The following EPB41L2 variants were observed in gnomAD, a reference collection of about 807,000 sequenced individuals.
The protein encoded by EPB41L2 is erythrocyte membrane protein band 4.1 like 2, also known as band 4.1-like protein 2.
Under a neutral mutation model 113.0 loss-of-function variants are expected in EPB41L2, and 43 were observed. That is an observed-to-expected ratio of 0.38 (90% CI 0.30 to 0.49). EPB41L2 has a LOEUF of 0.49. EPB41L2 is among the 20% of genes least tolerant of loss of function. The pLI, the probability that EPB41L2 is intolerant of heterozygous loss-of-function variation, is 0.95. For missense variants in EPB41L2, 1,147 were observed against 1,223.4 expected (o/e 0.94, Z 0.93); for synonymous variants, 442 against 436.7 (o/e 1.01, Z -0.15).
intron 1 of EPB41L2, among the ~76,000 whole-genome samples, chr6:130,995,956 T>C (rs73774351): frequency 0.026 from 3,995 of 152,306 alleles, 193 homozygotes; most frequent in African/African-American, 0.092. Flanking sequence ...CAGTTATGAA[T>C]AGATAAGGAA....
At chr6:130,913,166 T>C (rs73617130) in intron 4 of EPB41L2, among the ~76,000 whole-genome samples, 1,728 of 152,306 alleles carry the variant, frequency 0.011, 40 homozygotes, top group African/African-American at 0.04. Flanking sequence ...CTATAGGGCA[T>C]GGTAAGAGTC....
At chr6:130,981,848 G>T in intron 1 of EPB41L2, among the ~76,000 whole-genome samples, 1 of 151,890 alleles carries the variant, frequency 6.6e-6, no homozygotes, top group East Asian at 1.9e-4. Flanking sequence ...AGTATATGTG[G>T]TTTTCATTAT....
At chr6:130,878,903 CCA>C (rs1788408259) in intron 13 of EPB41L2, among the ~76,000 whole-genome samples, 1 of 152,178 alleles carries the variant, frequency 6.6e-6, no homozygotes, top group Admixed American at 6.5e-5. Context: ...AATAAATAAA[CCA>C]CAGACTGGTC....
chr6:130,892,782 C>T (rs537118804), intron 10 of EPB41L2, among the ~76,000 whole-genome samples: 14 of 152,120 alleles, frequency 9.2e-5, no homozygotes, highest in African/African-American at 3.1e-4. Context: ...TATGATATGC[C>T]AGAAATGGTT....
intron 1 of EPB41L2, among the ~76,000 whole-genome samples, chr6:131,020,052 T>C (rs1789093993): frequency 6.6e-6 from 1 of 152,124 alleles, no homozygotes; most frequent in Non-Finnish European, 1.5e-5. Context: ...AAAACATATG[T>C]TTCTATTTTG....
intron 19 of EPB41L2, among the ~76,000 whole-genome samples, chr6:130,847,114 G>T (rs776360059): frequency 6.6e-6 from 1 of 152,210 alleles, no homozygotes; most frequent in Non-Finnish European, 1.5e-5. Context: ...GCTGTGCTGA[G>T]AACTCTATAC....
chr6:130,895,096 C>T lies in EPB41L2; in HGVS notation c.1260G>A (p.Lys420=). The stretch of plus-strand genomic sequence containing the variant: ...GAAGTCCATTAGCACACACGCCCAG[C>T]TTGATGTCCACACCTTCTGAGTCCT... ...HAKDSEGVDI[K]LGVCANGLLI... Residue 420 remains lysine, a synonymous_variant, in exon 9 of 20, where the codon AAG becomes AAA. Transcript: ENST00000337057. 6.2e-7 allele frequency: 1 copy of T among 1,611,894 alleles called. No individual in the cohort carries two copies. Among genetic ancestry groups the T allele is most frequent in the African/African-American group, 1.3e-5 (1 of 74,964 alleles).
At chr6:130,894,472 A>G (rs376591267) in intron 9 of EPB41L2, 31 bp from the exon 10 acceptor site, 1 of 1,593,050 alleles carries the variant, frequency 6.3e-7, no homozygotes, top group African/African-American at 1.3e-5. Context: ...AAATCAGCAT[A>G]TTTCCTTAAG....
intron 1 of EPB41L2, among the ~76,000 whole-genome samples, chr6:131,028,859 C>T (rs1290138486): frequency 6.6e-6 from 1 of 152,142 alleles, no homozygotes; most frequent in Non-Finnish European, 1.5e-5. Context: ...ATTTCTCACT[C>T]TAAAATAATC....
At chr6:130,895,194 T>C in intron 8 of EPB41L2, 75 bp from the exon 9 acceptor site, 2 of 1,472,060 alleles carry the variant, frequency 1.4e-6, no homozygotes, top group Admixed American at 4.4e-5. Flanking sequence ...ATTAGCTCCC[T>C]CAAATCATGA....
At chr6:130,974,827 G>T (rs373932707) in intron 1 of EPB41L2, among the ~76,000 whole-genome samples, 1 of 138,018 alleles carries the variant, frequency 7.2e-6, no homozygotes, top group African/African-American at 2.7e-5. Context: ...CCAGGTTCAA[G>T]TGATTCTTCT....
At chr6:130,966,189 A>C (rs1775127929) in intron 1 of EPB41L2, among the ~76,000 whole-genome samples, 1 of 152,208 alleles carries the variant, frequency 6.6e-6, no homozygotes, top group Admixed American at 6.5e-5. Context: ...GTGCATATGT[A>C]AAATAATTAT....
chr6:130,972,618 T>G (rs1296851024), intron 1 of EPB41L2, among the ~76,000 whole-genome samples: 3 of 151,792 alleles, frequency 2.0e-5, no homozygotes, highest in Non-Finnish European at 4.4e-5. Flanking sequence ...AGTGCACTTG[T>G]GCATTTCTAC....
intron 1 of EPB41L2, among the ~76,000 whole-genome samples, chr6:131,043,673 T>C (rs775460643): frequency 1.3e-5 from 2 of 152,204 alleles, no homozygotes; most frequent in African/African-American, 2.4e-5. Flanking sequence ...ACTTGGATCC[T>C]GATTCAAATA....
Position 130,869,988 on chromosome 6 carries a change from G to A in EPB41L2, c.2182C>T (p.Pro728Ser). The change falls in exon 15 of 20, where the codon CCT (proline) becomes TCT (serine). Residue 728 changes from proline (P) to serine (S), a missense_variant. Pro to Ser is a moderately conservative substitution (Grantham distance 74, BLOSUM62 -1). Coordinates refer to ENST00000337057, the MANE Select transcript of EPB41L2 (RefSeq NM_001431.4). ...SGPGEIRKVE[P>S]VTQKDSTSLS... Reference sequence around the variant, plus strand: ...GAGGTGGAGTCTTTTTGTGTCACAGGCTCCACCTTACGAATCTCCCCAGGA... The same window carrying A: ...GAGGTGGAGTCTTTTTGTGTCACAGACTCCACCTTACGAATCTCCCCAGGA... 6.2e-7 allele frequency: 1 copy of A among 1,613,592 alleles called. No individual in the cohort carries two copies. Among genetic ancestry groups the A allele is most frequent in the Non-Finnish European group, 8.5e-7 (1 of 1,179,974 alleles).
Position 130,895,004 on chromosome 6 carries a change from T to C in EPB41L2, c.1352A>G (p.Lys451Arg). The change falls in exon 9 of 20, where the codon AAA becomes AGA. Residue 451 changes from lysine to arginine, a missense_variant. Physicochemically the swap from Lys to Arg is conservative, Grantham distance 26 (BLOSUM62 2). Coordinates refer to ENST00000337057, the MANE Select transcript of EPB41L2 (RefSeq NM_001431.4). ...AWPKILKISY[K>R]RSNFYIKVRP... ...GACTTTAATGTAGAAGTTACTGCGT[T>C]TATAGGAAATTTTTAAGATTTTCGG... 6.2e-7 allele frequency: 1 copy of C among 1,613,950 alleles called. No homozygotes were observed.
intron 18 of EPB41L2, 76 bp from the exon 19 acceptor site, chr6:130,858,319 C>T: frequency 1.7e-6 from 2 of 1,165,230 alleles, no homozygotes; most frequent in Admixed American, 2.0e-5. Flanking sequence ...CACACACACA[C>T]TGATCACCTC....
intron 1 of EPB41L2, among the ~76,000 whole-genome samples, chr6:131,028,393 AAT>A (rs1482190482): frequency 2.0e-5 from 3 of 152,220 alleles, no homozygotes; most frequent in African/African-American, 7.2e-5. Context: ...CTCTCCAAGG[AAT>A]AAAGCAATGA....
chr6:130,981,948 AT>A (rs1779469468), intron 1 of EPB41L2, among the ~76,000 whole-genome samples: 2 of 152,246 alleles, frequency 1.3e-5, no homozygotes, highest in East Asian at 3.9e-4. Flanking sequence ...CCAGCAGGAA[AT>A]TTGAATTTAT....
Sources: gnomAD v4.1 joint callset for allele counts (sites outside exome capture counted in the v4.1 genomes callset) on GRCh38, gnomAD v4.1.1 for gene constraint, MANE v1.5 for transcripts, NCBI Gene and HGNC (gene_info 2026-07-23, HGNC 2026-07-21) for gene names.